Variants in OR1J2 observed in about 807,000 individuals in gnomAD.
OR1J2 encodes the protein olfactory receptor family 1 subfamily J member 2, also known as olfactory receptor 1J2.
For synonymous variants in OR1J2, 142 were observed against 99.7 expected (o/e 1.42, Z -2.52); for missense variants, 304 against 246.1 (o/e 1.24, Z -1.57).
chr9:122,511,050 G>A lies in OR1J2; in HGVS notation c.249G>A (p.Met83Ile), dbSNP rs780333028. 4 of 1,451,830 alleles carry A rather than the reference G, an allele frequency of 2.8e-6. No individual in the cohort carries two copies. In the East Asian group the frequency reaches 9.1e-5, roughly 33 times the overall value. 89.9% of individuals were successfully genotyped at this position (1,451,830 alleles called of 1,614,324 possible). The change falls in exon 1 of 1, where the codon ATG (methionine) becomes ATA (isoleucine). Residue 83 changes from methionine (M) to isoleucine (I), a missense_variant. Met to Ile is a conservative substitution (Grantham distance 10, BLOSUM62 1). Transcript: ENST00000335302. Reference protein sequence around the residue: ...FSSVTVPKMLMDMRTKYKSIL... With the variant: ...FSSVTVPKMLIDMRTKYKSIL... ...CTGTCACTGTCCCTAAGATGCTGAT[G>A]GACATGCGGACTAAGTACAAATCGA...
the OR1J2 span, among the ~76,000 whole-genome samples, chr9:122,540,585 A>C: frequency 3.9e-4 from 59 of 152,120 alleles, no homozygotes; most frequent in East Asian, 0.011. Flanking sequence ...CTTAGGATTG[A>C]CTTGGCGATG....
At chr9:122,470,204 G>T in the OR1J2 span, among the ~76,000 whole-genome samples, 1 of 152,186 alleles carries the variant, frequency 6.6e-6, no homozygotes, top group Non-Finnish European at 1.5e-5. Flanking sequence ...GGGAAAAATG[G>T]TTTTGTGGGC....
the OR1J2 span, chr9:122,567,855 A>G: frequency 6.2e-7 from 1 of 1,614,056 alleles, no homozygotes; most frequent in South Asian, 1.1e-5. Context: ...ACGAGTCACC[A>G]AAACAATAGG....
At chr9:122,509,994 CG>C (rs956928829), upstream of OR1J2, among the ~76,000 whole-genome samples, 2 of 152,012 alleles carry the variant, frequency 1.3e-5, no homozygotes, top group African/African-American at 2.4e-5. Context: ...TGGGGCCTGT[CG>C]GGGGGTGCGG....
chr9:122,548,062 A>G, the OR1J2 span, among the ~76,000 whole-genome samples: 1 of 152,116 alleles, frequency 6.6e-6, no homozygotes, highest in Non-Finnish European at 1.5e-5. Flanking sequence ...CATTTTCCTC[A>G]TATGCTTATT....
chr9:122,468,175 T>A, the OR1J2 span, among the ~76,000 whole-genome samples: 2 of 152,216 alleles, frequency 1.3e-5, no homozygotes, highest in African/African-American at 4.8e-5. Flanking sequence ...AGCAAGTGGC[T>A]GCTTAAGGTC....
At chr9:122,527,110 C>T in the OR1J2 span, 1 of 1,614,152 alleles carries the variant, frequency 6.2e-7, no homozygotes, top group South Asian at 1.1e-5. Flanking sequence ...GACAGGTTGG[C>T]CAAGAAAAAG....
chr9:122,534,853 G>A, the OR1J2 span, among the ~76,000 whole-genome samples: 5 of 152,148 alleles, frequency 3.3e-5, no homozygotes, highest in Non-Finnish European at 4.4e-5. Flanking sequence ...CAGACCATTT[G>A]CCCATTTTAT....
At chr9:122,455,549 T>C in the OR1J2 span, among the ~76,000 whole-genome samples, 2 of 152,180 alleles carry the variant, frequency 1.3e-5, no homozygotes, top group Admixed American at 6.5e-5. Context: ...TTTTTTCCCT[T>C]CGTCTTTTGT....
At chr9:122,479,140 CAT>C in the OR1J2 span, among the ~76,000 whole-genome samples, 2 of 152,216 alleles carry the variant, frequency 1.3e-5, no homozygotes, top group African/African-American at 2.4e-5. Flanking sequence ...CTCAACCACA[CAT>C]GTGACAATGT....
the OR1J2 span, chr9:122,477,974 G>C: frequency 9.1e-6 from 12 of 1,313,844 alleles, no homozygotes; most frequent in Middle Eastern, 1.9e-4. Flanking sequence ...GAAAAAAATG[G>C]TATGTCTTGG....
the OR1J2 span, among the ~76,000 whole-genome samples, chr9:122,456,543 C>T: frequency 6.6e-6 from 1 of 151,986 alleles, no homozygotes; most frequent in Non-Finnish European, 1.5e-5. Context: ...CACTAGCTGA[C>T]CATTAAGCTA....
At chr9:122,543,446 G>T in the OR1J2 span, among the ~76,000 whole-genome samples, 1 of 152,142 alleles carries the variant, frequency 6.6e-6, no homozygotes, top group Non-Finnish European at 1.5e-5. Flanking sequence ...CAAGTGATCT[G>T]CCTGTCTCAG....
chr9:122,561,969 A>G, the OR1J2 span, among the ~76,000 whole-genome samples: 9 of 152,280 alleles, frequency 5.9e-5, no homozygotes, highest in East Asian at 1.4e-3. Context: ...CGTGGAGACT[A>G]TGGCCACCCC....
At chr9:122,482,108 G>T in the OR1J2 span, among the ~76,000 whole-genome samples, 1 of 152,082 alleles carries the variant, frequency 6.6e-6, no homozygotes. Context: ...TTTTCGAACT[G>T]TGTGTCTGAC....
the OR1J2 span, among the ~76,000 whole-genome samples, chr9:122,484,958 C>T: frequency 3.3e-5 from 5 of 152,138 alleles, no homozygotes; most frequent in East Asian, 1.9e-4. Context: ...CGCTTGAGCT[C>T]GGGAGGTCGA....
chr9:122,455,477 G>T, the OR1J2 span, among the ~76,000 whole-genome samples: 1 of 152,106 alleles, frequency 6.6e-6, no homozygotes. Context: ...CTATGTGCTT[G>T]TTGGCCATTT....
upstream of OR1J2, among the ~76,000 whole-genome samples, chr9:122,506,154 T>C (rs79636869): frequency 0.013 from 2,021 of 152,188 alleles, 55 homozygotes; most frequent in African/African-American, 0.047. Flanking sequence ...TTAAACATGA[T>C]TGGAGTCAGT....
chr9:122,528,979 T>A, the OR1J2 span, among the ~76,000 whole-genome samples: 1 of 152,240 alleles, frequency 6.6e-6, no homozygotes, highest in Non-Finnish European at 1.5e-5. Flanking sequence ...CTGATTTATA[T>A]TTAGAGTCTA....
Sources: gnomAD v4.1 joint callset for allele counts (sites outside exome capture counted in the v4.1 genomes callset) on GRCh38, gnomAD v4.1.1 for gene constraint, MANE v1.5 for transcripts, NCBI Gene and HGNC (gene_info 2026-07-23, HGNC 2026-07-21) for gene names.